KCNIP1: variants seen among roughly 807,000 people sequenced by gnomAD.
KCNIP1 encodes the protein A-type potassium channel modulatory protein KCNIP1.
Under a neutral mutation model 33.0 loss-of-function variants are expected in KCNIP1, and 18 were observed. The ratio of observed to expected loss-of-function variants is 0.55; its 90% CI spans 0.38 to 0.81. The LOEUF (loss-of-function observed/expected upper bound fraction) is 0.81, where lower values mean the gene tolerates loss of function less well. Ranked by LOEUF, KCNIP1 falls within the 30% of genes least tolerant of loss-of-function variation. The pLI is 0.00. For missense variants in KCNIP1, 238 were observed against 271.6 expected (o/e 0.88, Z 0.87); for synonymous variants, 93 against 98.3 (o/e 0.95, Z 0.32).
chr5:170,481,764 A>T (rs17740227), intron 1 of KCNIP1, among the ~76,000 whole-genome samples: 3 of 152,046 alleles, frequency 2.0e-5, no homozygotes, highest in African/African-American at 7.3e-5. Flanking sequence ...GGGATTTATT[A>T]CCTTGACAGA....
Position 170,518,950 on chromosome 5 carries a change from A to G in KCNIP1, c.61+14317A>G, listed in dbSNP as rs571429879. Reference sequence around the variant, plus strand: ...TCTTCTTGGCAGCAAGTCCTCCCCAATGGCAGGAGGGATTACAGAAGTGAT... The same window carrying G: ...TCTTCTTGGCAGCAAGTCCTCCCCAGTGGCAGGAGGGATTACAGAAGTGAT... On this transcript the variant is annotated intron_variant, in intron 1 of 7. Transcript: ENST00000328939. Among the ~76,000 whole-genome samples the G allele has an allele frequency of 3.9e-5, 6 of 152,176 alleles. No homozygotes were observed. In the East Asian group the frequency reaches 5.8e-4, roughly 15 times the overall value.
chr5:170,531,514 G>A (rs537366003), intron 1 of KCNIP1, among the ~76,000 whole-genome samples: 88 of 152,116 alleles, frequency 5.8e-4, no homozygotes, highest in Non-Finnish European at 1.1e-3. Flanking sequence ...AATCATCCCC[G>A]GGCAAGCCCA....
intron 1 of KCNIP1, among the ~76,000 whole-genome samples, chr5:170,636,078 A>G (rs939171182): frequency 6.6e-6 from 1 of 152,258 alleles, no homozygotes; most frequent in Admixed American, 6.5e-5. Flanking sequence ...AAGACAGACC[A>G]GTTGGGAGGA....
intron 3 of KCNIP1, among the ~76,000 whole-genome samples, chr5:170,720,648 C>T (rs931553894): frequency 1.3e-5 from 2 of 152,220 alleles, no homozygotes; most frequent in Non-Finnish European, 2.9e-5. Flanking sequence ...CTCTAGAAAG[C>T]AGGTATTATA....
At chr5:170,695,324 T>A (rs1054314160) in intron 1 of KCNIP1, among the ~76,000 whole-genome samples, 2 of 152,184 alleles carry the variant, frequency 1.3e-5, no homozygotes, top group African/African-American at 2.4e-5. Flanking sequence ...TTTAATTAAA[T>A]TTTTAAAGAT....
chr5:170,458,724 A>G (rs979329698), intron 1 of KCNIP1, among the ~76,000 whole-genome samples: 1 of 152,248 alleles, frequency 6.6e-6, no homozygotes, highest in Non-Finnish European at 1.5e-5. Context: ...CAAATCCTGG[A>G]AACACATCAA....
chr5:170,554,216 A>G (rs1373679873), intron 1 of KCNIP1, among the ~76,000 whole-genome samples: 2 of 151,990 alleles, frequency 1.3e-5, no homozygotes, highest in Admixed American at 1.3e-4. Flanking sequence ...AGGGGGCACT[A>G]GTTTGAGATG....
Position 170,390,517 on chromosome 5 carries a change from A to AAAAAAAAAAAAAAAAATATATATATATAT in KCNIP1, c.88+36554_88+36555insAAAAAAAAAAAAAAATATATATATATATA. ...GACCCCGTCTCAAAAAAAAAAAACA[A>AAAAAAAAAAAAAAAAATATATATATATAT]ATATATATATATATATATATATTTT... On this transcript the variant is annotated intron_variant, in intron 1 of 7. Transcript: ENST00000377360. Among the ~76,000 whole-genome samples the AAAAAAAAAAAAAAAAATATATATATATAT allele has an allele frequency of 1.9e-4, 14 of 74,532 alleles. 1 individual carries two copies. The highest frequency in any genetic ancestry group is 1.2e-3 in the East Asian group (3 of 2,410). The allele number at this position is 74,532 out of a possible 152,430, so 48.9% of individuals were successfully genotyped here.
intron 1 of KCNIP1, among the ~76,000 whole-genome samples, chr5:170,354,371 C>T (rs185214869): frequency 4.2e-4 from 64 of 152,244 alleles, no homozygotes; most frequent in East Asian, 1.7e-3. Flanking sequence ...AGAACAGAGA[C>T]GCTTGAGGGG....
In KCNIP1 at chr5:170,672,044, A is replaced by G. The variant is rs530921004; in HGVS notation, c.62-46714A>G. Among the ~76,000 whole-genome samples the G allele has an allele frequency of 2.0e-5, 3 of 152,326 alleles. No homozygotes were observed. In the South Asian group the frequency reaches 6.2e-4, roughly 32 times the overall value. ...CCTCACTGGAGGCTTCACTAAGGAGATATTCCCTAAGCTGCTTCTGGAAGG... is the reference window on the plus strand; with the variant it reads ...CCTCACTGGAGGCTTCACTAAGGAGGTATTCCCTAAGCTGCTTCTGGAAGG... On this transcript the variant is annotated intron_variant, in intron 1 of 7. Coordinates refer to ENST00000328939, the MANE Select transcript of KCNIP1 (RefSeq NM_014592.4).
chr5:170,568,758 G>C (rs547194698), intron 1 of KCNIP1, among the ~76,000 whole-genome samples: 169 of 151,794 alleles, frequency 1.1e-3, no homozygotes, highest in African/African-American at 4.0e-3. Context: ...GAGAGGTGGA[G>C]GTTGCAGTGA....
chr5:170,458,050 G>T (rs1341251403), intron 1 of KCNIP1, among the ~76,000 whole-genome samples: 1 of 152,122 alleles, frequency 6.6e-6, no homozygotes, highest in Non-Finnish European at 1.5e-5. Context: ...AATGCAAAAG[G>T]CTCTGGAAAC....
chr5:170,576,816 G>T (rs142830681), intron 1 of KCNIP1, among the ~76,000 whole-genome samples: 89 of 152,336 alleles, frequency 5.8e-4, no homozygotes, highest in South Asian at 2.1e-3. Flanking sequence ...GACTCAAAAT[G>T]GCATTCTTCT....
upstream of KCNIP1, among the ~76,000 whole-genome samples, chr5:170,503,381 G>C (rs986319350): frequency 1.5e-5 from 2 of 137,928 alleles, no homozygotes; most frequent in African/African-American, 5.5e-5. Flanking sequence ...GCAACAGAGC[G>C]AGACTCCGTC....
At chr5:170,717,291 G>A (rs909619830) in intron 1 of KCNIP1, among the ~76,000 whole-genome samples, 2 of 151,856 alleles carry the variant, frequency 1.3e-5, no homozygotes, top group Non-Finnish European at 1.5e-5. Context: ...TTTCATTTAC[G>A]TAGAAATGCT....
At chr5:170,449,117 C>A (rs1341764127) in intron 1 of KCNIP1, among the ~76,000 whole-genome samples, 1 of 152,206 alleles carries the variant, frequency 6.6e-6, no homozygotes, top group Non-Finnish European at 1.5e-5. Flanking sequence ...GCACAATATC[C>A]TATTGCCATC....
intron 1 of KCNIP1, among the ~76,000 whole-genome samples, chr5:170,399,962 C>T (rs1049972104): frequency 6.6e-6 from 1 of 152,304 alleles, no homozygotes; most frequent in African/African-American, 2.4e-5. Context: ...TGCCTCTTCT[C>T]TTTTTCTGGA....
At chr5:170,674,321 A>G (rs1448364890) in intron 1 of KCNIP1, among the ~76,000 whole-genome samples, 1 of 152,210 alleles carries the variant, frequency 6.6e-6, no homozygotes, top group Non-Finnish European at 1.5e-5. Context: ...AAGAAGGTAA[A>G]AATTGAAACA....
intron 1 of KCNIP1, among the ~76,000 whole-genome samples, chr5:170,461,622 C>T (rs545255639): frequency 8.2e-4 from 124 of 151,992 alleles, no homozygotes; most frequent in Middle Eastern, 6.8e-3. Flanking sequence ...TGGTGGCAGA[C>T]GCCTGTACTC....
Sources: allele counts gnomAD v4.1 joint callset (sites outside exome capture counted in the v4.1 genomes callset), GRCh38; gene constraint gnomAD v4.1.1; transcripts MANE v1.5; gene names NCBI Gene and HGNC (gene_info 2026-07-23, HGNC 2026-07-21).